Variants in SS18 observed in about 807,000 individuals in gnomAD.
SS18 encodes the protein SS18 subunit of BAF chromatin remodeling complex.
Under a neutral mutation model 72.5 loss-of-function variants are expected in SS18, and 28 were observed. That is an observed-to-expected ratio of 0.39 (90% CI 0.29 to 0.53). SS18 has a LOEUF of 0.53. Among genes scored for constraint, SS18 ranks in the 20% least tolerant of loss-of-function variants. The pLI, the probability that SS18 is intolerant of heterozygous loss-of-function variation, is 0.76. For missense variants in SS18, 518 were observed against 535.3 expected (o/e 0.97, Z 0.32); for synonymous variants, 172 against 164.2 (o/e 1.05, Z -0.37).
In SS18 at chr18:26,047,737, G is replaced by C. The variant is rs541185272; in HGVS notation, c.607+4887C>G. Among the ~76,000 whole-genome samples the C allele has an allele frequency of 2.0e-5, 3 of 152,238 alleles. No individual in the cohort carries two copies. The East Asian group carries it at 5.8e-4, about 29-fold the overall frequency. On this transcript the variant is annotated intron_variant, in intron 5 of 10. Coordinates refer to ENST00000415083, the MANE Select transcript of SS18 (RefSeq NM_001007559.3). ...GGGCACCTGTAGTCCCAGCTACCTG[G>C]GACACTGAGGCAGGAGAATGGCATG...
chr18:26,027,466 G>A (rs958417185), intron 10 of SS18, among the ~76,000 whole-genome samples: 1 of 151,780 alleles, frequency 6.6e-6, no homozygotes, highest in African/African-American at 2.4e-5. Context: ...AGCCAACAAG[G>A]TGAAACCCTG....
At chr18:26,048,255 GAATTTATCC>G (rs2053863952) in intron 5 of SS18, among the ~76,000 whole-genome samples, 1 of 152,116 alleles carries the variant, frequency 6.6e-6, no homozygotes, top group Non-Finnish European at 1.5e-5. Context: ...TCTATTTCTA[GAATTTATCC>G]TACAAAAATC....
intron 3 of SS18, among the ~76,000 whole-genome samples, chr18:26,076,866 A>G (rs2054423169): frequency 6.6e-6 from 1 of 151,980 alleles, no homozygotes; most frequent in Admixed American, 6.5e-5. Flanking sequence ...ATAAAAACAA[A>G]AATATTAAAA....
intron 10 of SS18, among the ~76,000 whole-genome samples, chr18:26,029,168 G>C (rs946423345): frequency 6.6e-6 from 1 of 152,206 alleles, no homozygotes; most frequent in African/African-American, 2.4e-5. Context: ...AAATAGGCCA[G>C]TGTGACTGAA....
At chr18:26,077,735 T>G (rs981657788) in intron 3 of SS18, among the ~76,000 whole-genome samples, 2 of 152,162 alleles carry the variant, frequency 1.3e-5, no homozygotes, top group Non-Finnish European at 2.9e-5. Context: ...CTGACAGAGA[T>G]GCATATGGAA....
intron 4 of SS18, among the ~76,000 whole-genome samples, chr18:26,053,918 T>G (rs144131776): frequency 6.6e-6 from 1 of 152,148 alleles, no homozygotes; most frequent in Non-Finnish European, 1.5e-5. Context: ...TTGAGGAAAT[T>G]TGTGATGACA....
intron 2 of SS18, among the ~76,000 whole-genome samples, chr18:26,080,154 G>A (rs964529362): frequency 1.3e-5 from 2 of 152,236 alleles, no homozygotes; most frequent in Middle Eastern, 3.4e-3. Flanking sequence ...TAATTGTGTT[G>A]TTGAAATTCT....
chr18:26,078,340 G>T, intron 2 of SS18, 180 bp from the exon 3 acceptor site: 1 of 489,168 alleles, frequency 2.0e-6, no homozygotes. Context: ...AATATAATGA[G>T]CTCAGAGATC....
chr18:26,068,949 T>C (rs566087947), intron 3 of SS18, among the ~76,000 whole-genome samples: 2 of 152,306 alleles, frequency 1.3e-5, no homozygotes, highest in Admixed American at 6.5e-5. Context: ...GTACTCACAA[T>C]GAATTAAGTA....
At chr18:26,072,419 A>G (rs2054327575) in intron 3 of SS18, among the ~76,000 whole-genome samples, 1 of 152,132 alleles carries the variant, frequency 6.6e-6, no homozygotes, top group Non-Finnish European at 1.5e-5. Flanking sequence ...AGAAAACAGA[A>G]AGGAGGATAA....
Position 26,068,156 on chromosome 18 carries a change from G to A in SS18, c.231+9920C>T, listed in dbSNP as rs77146220. 656 of 152,172 alleles carry A rather than the reference G, an allele frequency of 4.3e-3. 4 individuals carry two copies. The highest frequency in any genetic ancestry group is 0.014 in the African/African-American group (591 of 41,504). The allele number at this position is 152,172 out of a possible 1,614,324, so 9.4% of individuals were successfully genotyped here. ...CATGGCCTAGGGTTTGGGGACCCCT[G>A]AAATAAGACAACATTATCCTGTTTA... On this transcript the variant is annotated intron_variant, in intron 3 of 10. Transcript: ENST00000415083.
At chr18:26,064,483 A>G (rs904584205) in intron 3 of SS18, among the ~76,000 whole-genome samples, 2 of 152,178 alleles carry the variant, frequency 1.3e-5, no homozygotes, top group African/African-American at 2.4e-5. Context: ...TTTGAAAATT[A>G]ATCAGTGTAA....
intron 9 of SS18, among the ~76,000 whole-genome samples, chr18:26,034,308 T>C (rs1567994264): frequency 6.6e-6 from 1 of 152,196 alleles, no homozygotes; most frequent in African/African-American, 2.4e-5. Flanking sequence ...GCTACTTTTC[T>C]TTCAACAGAG....
Position 26,035,076 on chromosome 18 carries a change from T to G in SS18, c.1025A>C (p.Gln342Pro), listed in dbSNP as rs1479159865. 1 of 1,613,550 alleles carries G rather than the reference T, an allele frequency of 6.2e-7. No individual in the cohort carries two copies. Among genetic ancestry groups the G allele is most frequent in the Admixed American group, 1.7e-5 (1 of 59,954 alleles). The change falls in exon 9 of 11, where the codon CAA (glutamine) becomes CCA (proline). Residue 342 changes from glutamine to proline, a missense_variant. Physicochemically the swap from Gln to Pro is moderately conservative, Grantham distance 76 (BLOSUM62 -1). Transcript: ENST00000415083. The surrounding 1 kb of genome is among the most constrained non-coding windows in gnomAD (Gnocchi z 4.4). ...CTGCTGCTGGGGTGGATATCCCTGTTGTGGAGGTGGTCCCTGGTATGCATC... is the reference window on the plus strand; with the variant it reads ...CTGCTGCTGGGGTGGATATCCCTGTGGTGGAGGTGGTCCCTGGTATGCATC... The part of the protein sequence containing the change: ...QQDAYQGPPP[Q>P]QGYPPQQQQY...
At chr18:26,077,740 A>G (rs2054442697) in intron 3 of SS18, among the ~76,000 whole-genome samples, 1 of 152,176 alleles carries the variant, frequency 6.6e-6, no homozygotes, top group Admixed American at 6.5e-5. Context: ...AGAGATGCAT[A>G]TGGAAATACA....
intron 7 of SS18, among the ~76,000 whole-genome samples, chr18:26,037,849 G>A (rs936117808): frequency 2.0e-5 from 3 of 151,958 alleles, no homozygotes; most frequent in African/African-American, 7.2e-5. Flanking sequence ...ACTGTACTGT[G>A]AAAACCTACT....
intron 9 of SS18, among the ~76,000 whole-genome samples, chr18:26,033,102 T>C (rs1311977283): frequency 2.0e-5 from 3 of 152,226 alleles, no homozygotes; most frequent in Admixed American, 6.5e-5. Flanking sequence ...AAAAACTTGA[T>C]TCAAAAGTCA....
chr18:26,048,285 A>C (rs1224149294), intron 5 of SS18, among the ~76,000 whole-genome samples: 2 of 152,244 alleles, frequency 1.3e-5, no homozygotes, highest in African/African-American at 2.4e-5. Context: ...TTGTACAAGT[A>C]ATCAAAGACA....
rs745407303 is a variant in SS18, at chr18:26,035,893, G to C, written c.911C>G (p.Ser304Trp). ...CCTATCGTAGCCTTGTTCAGGATAC[G>C]ACGGTTGCTGATAACCGTAATCATT... The part of the protein sequence containing the change: ...GHNDYGYQQP[S>W]YPEQGYDRPY... Residue 304 changes from serine (S) to tryptophan (W), a missense_variant, in exon 8 of 11, where the codon TCG (serine) becomes TGG (tryptophan). Coordinates refer to ENST00000415083, the MANE Select transcript of SS18 (RefSeq NM_001007559.3). This position sits in a 1 kb window ranked among gnomAD's most constrained non-coding sequence, Gnocchi z 4.4. 1 of 1,601,146 alleles carries C rather than the reference G, an allele frequency of 6.2e-7. No individual in the cohort carries two copies. Among genetic ancestry groups the C allele is most frequent in the South Asian group, 1.1e-5 (1 of 89,096 alleles).
Sources: gnomAD v4.1 joint callset for allele counts (sites outside exome capture counted in the v4.1 genomes callset) on GRCh38, gnomAD v4.1.1 for gene constraint, Gnocchi (gnomAD v3.1) non-coding constraint, MANE v1.5 for transcripts, NCBI Gene and HGNC (gene_info 2026-07-23, HGNC 2026-07-21) for gene names.